The following GRM1 variants were observed in gnomAD, a reference collection of about 807,000 sequenced individuals.
The protein encoded by GRM1 is glutamate metabotropic receptor 1, also known as metabotropic glutamate receptor 1.
A neutral mutation model predicts 90.9 loss-of-function variants in GRM1; 33 were observed. The observed-to-expected ratio is 0.36, with a 90% CI of 0.28 to 0.49. The LOEUF is 0.49. GRM1 is among the 20% of genes least tolerant of loss of function. The pLI is 0.99. For synonymous variants in GRM1, 700 were observed against 613.2 expected (o/e 1.14, Z -2.09); for missense variants, 1,190 against 1,534.3 (o/e 0.78, Z 3.75).
At chr6:146,320,613 T>G (rs1379668494) in intron 3 of GRM1, among the ~76,000 whole-genome samples, 5 of 152,096 alleles carry the variant, frequency 3.3e-5, no homozygotes, top group Non-Finnish European at 7.4e-5. Context: ...TTTTTTTGGT[T>G]GGTAGGCTAT....
In GRM1 at chr6:146,437,454, T is replaced by C. The variant is rs754817664; in HGVS notation, c.*2658T>C. 1 of 152,656 alleles carries C rather than the reference T, an allele frequency of 6.6e-6. No individual in the cohort carries two copies. The highest frequency in any genetic ancestry group is 1.5e-5 in the Non-Finnish European group (1 of 68,040). The allele number at this position is 152,656 out of a possible 1,614,324, so 9.5% of individuals were successfully genotyped here. A position where few individuals can be genotyped will look rare whatever the true frequency, so the allele number is the denominator to read the frequency against. Reference sequence around the variant, plus strand: ...TGGAGATGTACACATACATACCCTATACCAAGAGGGCCGAAACTCTTCACC... The same window carrying C: ...TGGAGATGTACACATACATACCCTACACCAAGAGGGCCGAAACTCTTCACC... On this transcript the variant is annotated 3_prime_UTR_variant, in exon 8 of 8. Transcript: ENST00000282753.
intron 5 of GRM1, among the ~76,000 whole-genome samples, chr6:146,376,015 CT>C (rs1776085447): frequency 6.6e-6 from 1 of 151,808 alleles, no homozygotes; most frequent in Non-Finnish European, 1.5e-5. Context: ...TAATTTCTTG[CT>C]TTTCTTTTTT....
At chr6:146,419,633 A>G (rs980653196) in intron 7 of GRM1, among the ~76,000 whole-genome samples, 1 of 152,212 alleles carries the variant, frequency 6.6e-6, no homozygotes, top group African/African-American at 2.4e-5. Flanking sequence ...CTTAACAGGA[A>G]TCACGACTGG....
intron 5 of GRM1, among the ~76,000 whole-genome samples, chr6:146,361,343 C>G (rs541426651): frequency 2.2e-4 from 33 of 152,204 alleles, no homozygotes; most frequent in Admixed American, 3.9e-4. Flanking sequence ...GCCAAGGGCC[C>G]AAGACACAAG....
chr6:146,304,462 C>G (rs1783503723), intron 2 of GRM1, 149 bp from the exon 3 acceptor site: 3 of 697,436 alleles, frequency 4.3e-6, no homozygotes, highest in African/African-American at 1.8e-5. Flanking sequence ...ACTTTCTACT[C>G]TCTACCAAAA....
chr6:146,292,739 A>G (rs560769492), intron 2 of GRM1, among the ~76,000 whole-genome samples: 1 of 152,114 alleles, frequency 6.6e-6, no homozygotes, highest in Non-Finnish European at 1.5e-5. Flanking sequence ...TAGAATTACC[A>G]TATGACCCAG....
intron 2 of GRM1, among the ~76,000 whole-genome samples, chr6:146,290,945 G>C (rs1455241464): frequency 6.6e-6 from 1 of 152,032 alleles, no homozygotes; most frequent in African/African-American, 2.4e-5. Flanking sequence ...AAATCTTTAT[G>C]CAACAGAGGG....
At chr6:146,045,982 A>C (rs531045208) in intron 1 of GRM1, among the ~76,000 whole-genome samples, 2 of 152,028 alleles carry the variant, frequency 1.3e-5, no homozygotes, top group Non-Finnish European at 2.9e-5. Context: ...GTGGGCAGCA[A>C]GAGGTGTACT....
chr6:146,382,231 A>G (rs901368078), intron 5 of GRM1, among the ~76,000 whole-genome samples: 4 of 151,974 alleles, frequency 2.6e-5, no homozygotes, highest in African/African-American at 9.7e-5. Context: ...CAAAAGAAAT[A>G]TCAGTTACTA....
intron 1 of GRM1, among the ~76,000 whole-genome samples, chr6:146,138,870 C>T (rs935327374): frequency 9.3e-5 from 14 of 150,866 alleles, no homozygotes; most frequent in South Asian, 4.2e-4. Flanking sequence ...TACTAATTTG[C>T]GGTTTGATTT....
intron 2 of GRM1, among the ~76,000 whole-genome samples, chr6:146,205,269 A>G (rs1490018931): frequency 6.6e-6 from 1 of 152,188 alleles, no homozygotes; most frequent in East Asian, 1.9e-4. Flanking sequence ...ATTGTGAACT[A>G]CTGTTTAATA....
chr6:146,179,319 G>A (rs983722369), intron 2 of GRM1, among the ~76,000 whole-genome samples: 26 of 152,150 alleles, frequency 1.7e-4, no homozygotes, highest in Non-Finnish European at 3.4e-4. Flanking sequence ...TTGATTTTGA[G>A]CTTGCAGAGA....
intron 3 of GRM1, among the ~76,000 whole-genome samples, chr6:146,307,187 T>C (rs117925112): frequency 0.013 from 2,030 of 152,290 alleles, 21 homozygotes; most frequent in Non-Finnish European, 0.02. Flanking sequence ...GAAATAACAA[T>C]TTACAAATCT....
intron 7 of GRM1, among the ~76,000 whole-genome samples, chr6:146,433,021 A>G (rs117366416): frequency 4.2e-4 from 64 of 152,300 alleles, no homozygotes; most frequent in Non-Finnish European, 8.8e-4. Flanking sequence ...TGTCTCAATC[A>G]TAATTTTCTC....
chr6:146,031,696 A>G (rs900619390), intron 1 of GRM1, among the ~76,000 whole-genome samples: 2 of 152,140 alleles, frequency 1.3e-5, no homozygotes, highest in Non-Finnish European at 2.9e-5. Context: ...TTTAAGACTC[A>G]AAGTATTAAT....
At chr6:146,225,796 A>G (rs775157508) in intron 2 of GRM1, among the ~76,000 whole-genome samples, 6 of 152,160 alleles carry the variant, frequency 3.9e-5, no homozygotes, top group Non-Finnish European at 8.8e-5. Flanking sequence ...TAGAAATTTT[A>G]TGTAATTAAG....
chr6:146,242,342 T>C (rs962286949), intron 2 of GRM1, among the ~76,000 whole-genome samples: 7 of 152,122 alleles, frequency 4.6e-5, no homozygotes, highest in Non-Finnish European at 8.8e-5. Flanking sequence ...AATTACACCA[T>C]GGCAGTTTGC....
intron 2 of GRM1, among the ~76,000 whole-genome samples, chr6:146,286,681 A>G (rs1207891186): frequency 6.6e-6 from 1 of 152,220 alleles, no homozygotes; most frequent in Admixed American, 6.5e-5. Flanking sequence ...ACAATTGGAA[A>G]GCGTAGTTGT....
At position 146,034,194 on chromosome 6, in the gene GRM1, A is replaced by G. The variant is rs892943773; in HGVS notation, c.700+3977A>G. Among the ~76,000 whole-genome samples, 51 of 152,192 alleles carry G rather than the reference A, an allele frequency of 3.4e-4. 1 individual carries two copies. Among genetic ancestry groups the G allele is most frequent in the Middle Eastern group, 3.4e-3 (1 of 294 alleles). On this transcript the variant is annotated intron_variant, in intron 1 of 7. Transcript: ENST00000282753. ...CACCTGACTTTTAGTCAGTTCTTCT[A>G]TGTAATGACCTAAAACAGATTTCTT...
Sources: gnomAD v4.1 joint callset for allele counts (sites outside exome capture counted in the v4.1 genomes callset) on GRCh38, gnomAD v4.1.1 for gene constraint, MANE v1.5 for transcripts, NCBI Gene and HGNC (gene_info 2026-07-23, HGNC 2026-07-21) for gene names.